Variants in C8orf74 observed in about 807,000 individuals in gnomAD.
C8orf74 encodes chromosome 8 open reading frame 74.
In C8orf74, 29 loss-of-function variants were observed where a neutral mutation model predicts 22.2. The observed-to-expected ratio is 1.31, with a 90% CI of 0.97 to 1.78. The LOEUF (loss-of-function observed/expected upper bound fraction) is 1.78. Among genes scored for constraint, C8orf74 ranks in the 40% most tolerant of loss-of-function variants. C8orf74 has a pLI of 0.00. For missense variants in C8orf74, 515 were observed against 369.9 expected (o/e 1.39, Z -3.22); for synonymous variants, 255 against 163.1 (o/e 1.56, Z -4.30).
At chr8:10,688,372 G>A (rs906659470) in intron 2 of C8orf74, 5 of 152,204 alleles carry the variant, frequency 3.3e-5, no homozygotes, top group African/African-American at 1.2e-4. Flanking sequence ...GATGCCCAGA[G>A]AGGCCAAATA....
At position 10,686,256 on chromosome 8, in the gene C8orf74, C is replaced by T. The variant is rs557833930; in HGVS notation, c.242-11343C>T. Among the ~76,000 whole-genome samples, 4 of 152,270 alleles carry T rather than the reference C, an allele frequency of 2.6e-5. No individual in the cohort carries two copies. In the South Asian group the frequency reaches 8.3e-4, roughly 32 times the overall value. Reference sequence around the variant, plus strand: ...TCTCCTTGGAGTTGGAGGATCTGGACTGAGACCTGATTTTGCTACTGAATA... The same window carrying T: ...TCTCCTTGGAGTTGGAGGATCTGGATTGAGACCTGATTTTGCTACTGAATA... On this transcript the variant is annotated intron_variant, in intron 2 of 3. Transcript: ENST00000304519.
At chr8:10,696,413 T>A (rs1799499143) in intron 2 of C8orf74, among the ~76,000 whole-genome samples, 2 of 147,506 alleles carry the variant, frequency 1.4e-5, no homozygotes, top group East Asian at 3.9e-4. Context: ...GCTCCACTCT[T>A]TTTTTTTCTT....
At chr8:10,694,603 T>A (rs761394717) in intron 2 of C8orf74, among the ~76,000 whole-genome samples, 4 of 152,246 alleles carry the variant, frequency 2.6e-5, no homozygotes, top group Non-Finnish European at 5.9e-5. Flanking sequence ...AAGGCAAACA[T>A]AGAGTAGCTA....
At chr8:10,683,169 G>A (rs1259666398) in intron 2 of C8orf74, among the ~76,000 whole-genome samples, 2 of 152,234 alleles carry the variant, frequency 1.3e-5, no homozygotes, top group South Asian at 4.1e-4. Flanking sequence ...ACCTGGATGA[G>A]CCAGGTCACA....
intron 2 of C8orf74, among the ~76,000 whole-genome samples, chr8:10,678,779 C>A (rs370946634): frequency 6.0e-4 from 92 of 152,246 alleles, no homozygotes; most frequent in Middle Eastern, 3.4e-3. Flanking sequence ...GCCGCAGCAC[C>A]CCAGGGTGCA....
In C8orf74 at chr8:10,674,734, A is replaced by T. The variant is rs1257625683; in HGVS notation, c.137A>T (p.Asp46Val). The change falls in exon 2 of 4, where the codon GAC becomes GTC. Residue 46 changes from aspartate to valine, a missense_variant. Coordinates refer to ENST00000304519, the MANE Select transcript of C8orf74 (RefSeq NM_001040032.2). ...GACTCCCGGAGGAGCATCCTGCTGG[A>T]CACCCTCTACGAGAGCATCATCTTT... Reference protein sequence around the residue: ...QRDSRRSILLDTLYESIIFAV... With the variant: ...QRDSRRSILLVTLYESIIFAV... 1 of 1,607,882 alleles carries T rather than the reference A, an allele frequency of 6.2e-7. No homozygotes were observed. The highest frequency in any genetic ancestry group is 8.5e-7 in the Non-Finnish European group (1 of 1,177,244).
intron 2 of C8orf74, among the ~76,000 whole-genome samples, chr8:10,676,214 G>C (rs1406886564): frequency 6.6e-6 from 1 of 151,900 alleles, no homozygotes. Flanking sequence ...AGGTATATTA[G>C]AGGTCTTCCC....
intron 2 of C8orf74, among the ~76,000 whole-genome samples, chr8:10,677,646 C>T (rs1391909565): frequency 1.3e-5 from 2 of 152,114 alleles, no homozygotes; most frequent in Non-Finnish European, 2.9e-5. Context: ...CTAACCTCTG[C>T]CCCCTCTCTT....
chr8:10,698,219 C>G (rs193081418), intron 3 of C8orf74, among the ~76,000 whole-genome samples: 1,753 of 152,302 alleles, frequency 0.012, 30 homozygotes, highest in African/African-American at 0.039. Context: ...GCGCAGAGAA[C>G]ATTTTAACTC....
chr8:10,674,732 G>A lies in C8orf74; in HGVS notation c.135G>A (p.Leu45=). 1 of 1,608,212 alleles carries A rather than the reference G, an allele frequency of 6.2e-7. No homozygotes were observed. ...EQRDSRRSIL[L]DTLYESIIFA... is the part of the protein sequence containing the mutation. ...GAGACTCCCGGAGGAGCATCCTGCT[G>A]GACACCCTCTACGAGAGCATCATCT... The change falls in exon 2 of 4, where the codon CTG becomes CTA. Residue 45 remains leucine, a synonymous_variant. Transcript: ENST00000304519.
intron 2 of C8orf74, chr8:10,687,019 G>A (rs887640405): frequency 2.2e-6 from 1 of 448,668 alleles, no homozygotes; most frequent in African/African-American, 2.0e-5. Flanking sequence ...GGATTAGATT[G>A]AAGAAATCCA....
intron 2 of C8orf74, among the ~76,000 whole-genome samples, chr8:10,693,372 C>T (rs1371743898): frequency 6.6e-6 from 1 of 152,204 alleles, no homozygotes; most frequent in Non-Finnish European, 1.5e-5. Flanking sequence ...GCTGCCAACC[C>T]CACACAGCCT....
intron 2 of C8orf74, chr8:10,675,652 G>C (rs1177351437): frequency 2.0e-5 from 3 of 152,232 alleles, no homozygotes; most frequent in Admixed American, 6.5e-5. Flanking sequence ...GACATTGTCA[G>C]TAAAAGGCCA....
chr8:10,678,065 G>T (rs754564200), intron 2 of C8orf74, among the ~76,000 whole-genome samples: 2 of 152,182 alleles, frequency 1.3e-5, no homozygotes, highest in East Asian at 1.9e-4. Flanking sequence ...AGCGTGTGAG[G>T]CATGGTTAAT....
At chr8:10,692,273 C>T (rs567174301) in intron 2 of C8orf74, 2 of 152,414 alleles carry the variant, frequency 1.3e-5, no homozygotes, top group East Asian at 3.9e-4. Context: ...GGACCCTGCC[C>T]TAGGCTGATC....
intron 2 of C8orf74, among the ~76,000 whole-genome samples, chr8:10,690,561 C>T (rs1288857090): frequency 2.6e-5 from 4 of 152,148 alleles, no homozygotes; most frequent in African/African-American, 9.7e-5. Flanking sequence ...GACTTGGTTC[C>T]TGCCCCTGGG....
At chr8:10,695,442 C>G (rs1799470956) in intron 2 of C8orf74, among the ~76,000 whole-genome samples, 1 of 152,058 alleles carries the variant, frequency 6.6e-6, no homozygotes, top group Non-Finnish European at 1.5e-5. Flanking sequence ...GTCCCTCCTT[C>G]CCTCCCCCTG....
rs553768386 is a variant in C8orf74 at position 10,684,047 on chromosome 8, C to T, written c.241+9209C>T. 1.8e-4 allele frequency among the ~76,000 whole-genome samples: 28 copies of T among 152,256 alleles called. No homozygotes were observed. The South Asian group carries it at 3.3e-3, about 18-fold the overall frequency. Reference sequence around the variant, plus strand: ...GGTGACTGCAGCAGGACAGGAGCCCCGTGCTTCCAGGAGGACCAGGGAAGG... The same window carrying T: ...GGTGACTGCAGCAGGACAGGAGCCCTGTGCTTCCAGGAGGACCAGGGAAGG... On this transcript the variant is annotated intron_variant, in intron 2 of 3. Coordinates refer to ENST00000304519, the MANE Select transcript of C8orf74 (RefSeq NM_001040032.2).
intron 2 of C8orf74, among the ~76,000 whole-genome samples, chr8:10,693,490 C>A (rs1451449398): frequency 6.6e-6 from 1 of 152,220 alleles, no homozygotes; most frequent in Non-Finnish European, 1.5e-5. Flanking sequence ...ATTTGCTGAC[C>A]TAATGAATAA....
Sources: allele counts gnomAD v4.1 joint callset (sites outside exome capture counted in the v4.1 genomes callset), GRCh38; gene constraint gnomAD v4.1.1; transcripts MANE v1.5; gene names NCBI Gene and HGNC (gene_info 2026-07-23, HGNC 2026-07-21).